The following MYRFL variants were observed in gnomAD, a reference collection of about 807,000 sequenced individuals.
The protein encoded by MYRFL is myelin regulatory factor-like protein.
A neutral mutation model predicts 109.4 loss-of-function variants in MYRFL; 88 were observed. The ratio of observed to expected loss-of-function variants is 0.80; its 90% confidence interval spans 0.68 to 0.96. MYRFL has a LOEUF of 0.96. Among genes scored for constraint, MYRFL ranks in the 40% least tolerant of loss-of-function variants. The pLI is 0.00. For synonymous variants in MYRFL, 324 were observed against 320.9 expected (o/e 1.01, Z -0.10); for missense variants, 957 against 954.9 (o/e 1.00, Z -0.03).
At chr12:69,905,848 G>A (rs551255172) in intron 11 of MYRFL, among the ~76,000 whole-genome samples, 1 of 152,288 alleles carries the variant, frequency 6.6e-6, no homozygotes, top group South Asian at 2.1e-4. Flanking sequence ...ACAGAGATGA[G>A]GGAGATGATG....
At chr12:69,946,681 C>T (rs1955847264) in intron 19 of MYRFL, 1 of 152,196 alleles carries the variant, frequency 6.6e-6, no homozygotes, top group Non-Finnish European at 1.5e-5. Flanking sequence ...TATGCAATCA[C>T]CCAAGGTTCC....
At chr12:69,913,400 G>A (rs1433823618) in intron 13 of MYRFL, among the ~76,000 whole-genome samples, 1 of 152,044 alleles carries the variant, frequency 6.6e-6, no homozygotes, top group Non-Finnish European at 1.5e-5. Context: ...TAAAGATTGT[G>A]CCCTTTGTTT....
chr12:69,910,825 G>A lies in MYRFL; in HGVS notation c.1497G>A (p.Met499Ile). 6.5e-7 allele frequency: 1 copy of A among 1,533,572 alleles called. No homozygotes were observed. The highest frequency in any genetic ancestry group is 8.7e-7 in the Non-Finnish European group (1 of 1,144,920). The allele number at this position is 1,533,572 out of a possible 1,614,324, so 95.0% of individuals were successfully genotyped here. ...MGINTAHQTG[M>I]IAQEVQEILP... ...TGTGGAGTGTTTTGTATACAGGAAT[G>A]ATTGCCCAGGAGGTGCAAGAAATCC... The change falls in exon 13 of 25, where the codon ATG (methionine) becomes ATA (isoleucine). Residue 499 changes from methionine (M) to isoleucine (I), a missense_variant. Met to Ile is a conservative substitution (Grantham distance 10). Coordinates refer to ENST00000552032, the MANE Select transcript of MYRFL (RefSeq NM_182530.3).
chr12:69,869,564 G>A (rs775830229), intron 2 of MYRFL, among the ~76,000 whole-genome samples: 2 of 152,204 alleles, frequency 1.3e-5, no homozygotes, highest in African/African-American at 4.8e-5. Context: ...ATGGTCATAT[G>A]TAGTTTAACA....
chr12:69,844,555 A>T (rs918967088), intron 1 of MYRFL, among the ~76,000 whole-genome samples: 22 of 152,176 alleles, frequency 1.4e-4, no homozygotes, highest in African/African-American at 5.3e-4. Flanking sequence ...TCCTCCCTGC[A>T]GTTGGCTGGC....
intron 1 of MYRFL, among the ~76,000 whole-genome samples, chr12:69,852,828 G>A (rs1249047423): frequency 6.6e-6 from 1 of 151,914 alleles, no homozygotes; most frequent in African/African-American, 2.4e-5. Flanking sequence ...GTTTAACAAA[G>A]CACATCTTGC....
intron 11 of MYRFL, among the ~76,000 whole-genome samples, chr12:69,908,763 CTTTTA>C (rs1308795171): frequency 2.6e-5 from 4 of 152,116 alleles, no homozygotes; most frequent in East Asian, 3.8e-4. Flanking sequence ...TTTTTTAAAA[CTTTTA>C]TTTTAAGTTC....
chr12:69,855,390 C>T lies in MYRFL; in HGVS notation c.137+20C>T, dbSNP rs2136322443. On this transcript the variant is annotated intron_variant, in intron 2 of 24. Coordinates refer to ENST00000552032, the MANE Select transcript of MYRFL (RefSeq NM_182530.3). ...GGCCTTGTAAGTAATGAGAGCACTGCTCTCTAGTTGATGTTTAAAATATTA... is the reference window on the plus strand; with the variant it reads ...GGCCTTGTAAGTAATGAGAGCACTGTTCTCTAGTTGATGTTTAAAATATTA... 3 of 701,854 alleles carry T rather than the reference C, an allele frequency of 4.3e-6. No individual in the cohort carries two copies. The allele number at this position is 701,854 out of a possible 1,614,324, so 43.5% of individuals were successfully genotyped here. A position where few individuals can be genotyped will look rare whatever the true frequency, so the allele number is the denominator to read the frequency against.
At chr12:69,867,726 A>G (rs1400756019) in intron 2 of MYRFL, among the ~76,000 whole-genome samples, 4 of 152,190 alleles carry the variant, frequency 2.6e-5, no homozygotes, top group African/African-American at 9.6e-5. Flanking sequence ...CCATCACTAT[A>G]GTGGGGTTGA....
chr12:69,939,339 A>C (rs1219328975), intron 19 of MYRFL, among the ~76,000 whole-genome samples: 2 of 152,166 alleles, frequency 1.3e-5, no homozygotes, highest in Non-Finnish European at 2.9e-5. Context: ...ACGCAGCTGG[A>C]GATCTGAGAA....
At chr12:69,881,889 T>C (rs1165730866) in intron 5 of MYRFL, among the ~76,000 whole-genome samples, 2 of 152,208 alleles carry the variant, frequency 1.3e-5, no homozygotes, top group Non-Finnish European at 2.9e-5. Flanking sequence ...GTAGCTTTTT[T>C]TATGATTCTC....
At chr12:69,954,786 T>C (rs1359448166) in intron 21 of MYRFL, among the ~76,000 whole-genome samples, 6 of 152,204 alleles carry the variant, frequency 3.9e-5, no homozygotes, top group African/African-American at 1.4e-4. Context: ...ATTTCCCTTT[T>C]ATCCAAGTAT....
Position 69,957,849 on chromosome 12 carries a change from G to A in MYRFL, c.2478G>A (p.Gln826=). Residue 826 remains glutamine (Q), a synonymous_variant, in exon 23 of 25, where the codon CAG becomes CAA. Coordinates refer to ENST00000552032, the MANE Select transcript of MYRFL (RefSeq NM_182530.3). ...CAACAGAGCCATTGATAGTCTTCCA[G>A]TGCAAATTCACCCTTGGAAATATAT... ...INTTEPLIVF[Q]CKFTLGNICF... The A allele has an allele frequency of 6.5e-7, 1 of 1,534,182 alleles. No individual in the cohort carries two copies. The highest frequency in any genetic ancestry group is 8.7e-7 in the Non-Finnish European group (1 of 1,145,402).
intron 6 of MYRFL, among the ~76,000 whole-genome samples, chr12:69,888,930 T>A (rs1886621460): frequency 6.6e-6 from 1 of 152,214 alleles, no homozygotes; most frequent in Non-Finnish European, 1.5e-5. Context: ...GATTTTCTTT[T>A]TGCTGCTGGT....
chr12:69,926,731 T>G lies in MYRFL; in HGVS notation c.1763T>G (p.Ile588Ser). 6.7e-7 allele frequency: 1 copy of G among 1,485,204 alleles called. No individual in the cohort carries two copies. The highest frequency in any genetic ancestry group is 1.4e-5 in the African/African-American group (1 of 71,786). The allele number at this position is 1,485,204 out of a possible 1,614,324, so 92.0% of individuals were successfully genotyped here. Reference protein sequence around the residue: ...WKSSASEASTISKSSRAVSAS... With the variant: ...WKSSASEASTSSKSSRAVSAS... ...TCATCAGCCAGTGAAGCAAGCACAA[T>G]CAGGTACGTGCAGCCAGGATTGCCA... Residue 588 changes from isoleucine to serine, a missense_variant, in exon 14 of 25, where the codon ATC (isoleucine) becomes AGC (serine). By Grantham distance (142) the Ile-to-Ser change is moderately radical. Transcript: ENST00000552032.
chr12:69,938,587 C>A (rs79493263), intron 19 of MYRFL, among the ~76,000 whole-genome samples: 5,253 of 152,136 alleles, frequency 0.035, 300 homozygotes, highest in African/African-American at 0.12. Flanking sequence ...TCTTGATGAT[C>A]CTGACCTTGT....
intron 13 of MYRFL, among the ~76,000 whole-genome samples, chr12:69,922,914 T>A (rs182564283): frequency 7.2e-5 from 11 of 152,342 alleles, no homozygotes; most frequent in South Asian, 6.2e-4. Context: ...TCATTTATTC[T>A]CTGGAATTTA....
chr12:69,849,380 G>A (rs1883750332), intron 1 of MYRFL, among the ~76,000 whole-genome samples: 1 of 152,300 alleles, frequency 6.6e-6, no homozygotes, highest in African/African-American at 2.4e-5. Flanking sequence ...TTCTTTTAAT[G>A]TTGAATTTCA....
intron 2 of MYRFL, among the ~76,000 whole-genome samples, chr12:69,860,694 A>G (rs1884596170): frequency 1.3e-5 from 2 of 151,766 alleles, no homozygotes; most frequent in African/African-American, 4.8e-5. Flanking sequence ...CCATCTTAAT[A>G]TATTGATTGC....
Sources: allele counts gnomAD v4.1 joint callset (sites outside exome capture counted in the v4.1 genomes callset), GRCh38; gene constraint gnomAD v4.1.1; transcripts MANE v1.5; gene names NCBI Gene and HGNC (gene_info 2026-07-23, HGNC 2026-07-21).